The following TENM3 variants were observed in gnomAD, a reference collection of about 807,000 sequenced individuals.
TENM3 encodes teneurin transmembrane protein 3.
A neutral mutation model predicts 255.1 loss-of-function variants in TENM3; 63 were observed. That is an observed-to-expected ratio of 0.25 (90% CI 0.20 to 0.30). TENM3 has a LOEUF of 0.30. Among genes scored for constraint, TENM3 ranks in the 10% least tolerant of loss-of-function variants. The probability of loss-of-function intolerance (pLI) is 1.00; values close to 1 mark genes in which losing one functional copy is unlikely to be tolerated. For missense variants in TENM3, 2,929 were observed against 3,461.1 expected, an observed-to-expected ratio of 0.85 and a Z score of 3.86; for synonymous variants, 1,306 against 1,322.3, an observed-to-expected ratio of 0.99 and a Z score of 0.27.
At chr4:181,776,933 A>G in the TENM3 span, among the ~76,000 whole-genome samples, 3 of 151,914 alleles carry the variant, frequency 2.0e-5, no homozygotes, top group African/African-American at 4.8e-5. Context: ...TTTTAATTTA[A>G]TTAAGTTCCA....
chr4:182,631,482 G>A (rs1469441893), intron 5 of TENM3: 1 of 152,106 alleles, frequency 6.6e-6, no homozygotes, highest in African/African-American at 2.4e-5. Flanking sequence ...AGTTCGCATG[G>A]TAAATCTTTT....
the TENM3 span, among the ~76,000 whole-genome samples, chr4:181,945,592 A>T: frequency 9.6e-4 from 146 of 151,952 alleles, 1 homozygote; most frequent in African/African-American, 3.4e-3. Flanking sequence ...CTTGTGTATG[A>T]GGTTGGGGCA....
chr4:181,915,092 C>T, the TENM3 span, among the ~76,000 whole-genome samples: 2 of 152,138 alleles, frequency 1.3e-5, no homozygotes, highest in African/African-American at 4.8e-5. Context: ...GGAGGCCACA[C>T]TAGGAGATCA....
At chr4:182,068,186 C>G in the TENM3 span, among the ~76,000 whole-genome samples, 2 of 152,054 alleles carry the variant, frequency 1.3e-5, no homozygotes, top group Non-Finnish European at 1.5e-5. Flanking sequence ...TTCCACCAAA[C>G]CCTTTGCGGA....
chr4:181,789,711 G>A, the TENM3 span, among the ~76,000 whole-genome samples: 2 of 152,068 alleles, frequency 1.3e-5, no homozygotes, highest in East Asian at 1.9e-4. Context: ...GCAGGGTCAG[G>A]GCTGGAGATC....
At chr4:181,920,666 T>C in the TENM3 span, among the ~76,000 whole-genome samples, 1 of 151,858 alleles carries the variant, frequency 6.6e-6, no homozygotes, top group African/African-American at 2.4e-5. Flanking sequence ...GCAAAAATTT[T>C]CTCCCATTTT....
the TENM3 span, among the ~76,000 whole-genome samples, chr4:182,057,751 A>G: frequency 6.6e-6 from 1 of 151,906 alleles, no homozygotes; most frequent in Admixed American, 6.6e-5. Context: ...CTTCCTACCT[A>G]CATGCCGACT....
the TENM3 span, among the ~76,000 whole-genome samples, chr4:182,048,839 G>C: frequency 6.6e-6 from 1 of 152,086 alleles, no homozygotes; most frequent in African/African-American, 2.4e-5. Context: ...TAAAAATACT[G>C]TGTCTATTAT....
Position 182,726,803 on chromosome 4 carries a change from C to T in TENM3, c.2369-2162C>T, listed in dbSNP as rs1294010136. 1.3e-5 allele frequency among the ~76,000 whole-genome samples: 2 copies of T among 152,174 alleles called. 1 individual carries two copies. The highest frequency in any genetic ancestry group is 4.1e-4 in the South Asian group (2 of 4,824). On this transcript the variant is annotated intron_variant, in intron 13 of 27. Coordinates refer to ENST00000511685, the MANE Select transcript of TENM3 (RefSeq NM_001080477.4). ...TCTTACCTTACCGTGTTGTTGCTGA[C>T]CTGCCTTTTAGACTGGGCAATTTAA...
At chr4:182,100,001 AC>A in the TENM3 span, among the ~76,000 whole-genome samples, 1 of 152,106 alleles carries the variant, frequency 6.6e-6, no homozygotes, top group East Asian at 1.9e-4. Context: ...AGTGGCTAAG[AC>A]GGTCAGTGTT....
In TENM3 at chr4:182,402,340, C is replaced by T. The variant is rs181960298; in HGVS notation, c.511+55411C>T. ...TTATGTTTGGGAAAGTGTGAATTCC[C>T]TCAGTGACTTTTGTACAGTCGCTCC... On this transcript the variant is annotated intron_variant, in intron 3 of 27. Coordinates refer to ENST00000511685, the MANE Select transcript of TENM3 (RefSeq NM_001080477.4). Among the ~76,000 whole-genome samples, 79 of 152,256 alleles carry T rather than the reference C, an allele frequency of 5.2e-4. 1 individual carries two copies. Among genetic ancestry groups the T allele is most frequent in the East Asian group, 2.5e-3 (13 of 5,178 alleles).
intron 7 of TENM3, 67 bp downstream of exon 7, chr4:182,673,286 T>C (rs1248793473): frequency 9.8e-6 from 11 of 1,127,884 alleles, no homozygotes; most frequent in Admixed American, 2.4e-5. Context: ...TTATTCTCTT[T>C]CTTAAGCTCA....
At chr4:182,442,865 CACACACACACACACAT>C (rs1561451700) in intron 3 of TENM3, among the ~76,000 whole-genome samples, 2 of 150,658 alleles carry the variant, frequency 1.3e-5, no homozygotes, top group African/African-American at 4.9e-5. Flanking sequence ...CACACACACA[CACACACACACACACAT>C]ATATATATAT....
chr4:182,075,551 C>G, the TENM3 span, among the ~76,000 whole-genome samples: 4 of 152,164 alleles, frequency 2.6e-5, 1 homozygote, highest in Admixed American at 1.3e-4. Context: ...CAAGACCTGT[C>G]TGTAGGCTAA....
chr4:181,493,847 C>T, the TENM3 span, among the ~76,000 whole-genome samples: 6 of 152,118 alleles, frequency 3.9e-5, no homozygotes, highest in Admixed American at 1.3e-4. Flanking sequence ...CCCAAATTAA[C>T]GTGCCTATTC....
At chr4:182,421,498 G>A (rs1430359809) in intron 3 of TENM3, among the ~76,000 whole-genome samples, 1 of 152,096 alleles carries the variant, frequency 6.6e-6, no homozygotes, top group African/African-American at 2.4e-5. Flanking sequence ...TTGTTGCTCA[G>A]AAATATCCTC....
chr4:182,235,099 GC>G (rs1409233601), intron 1 of TENM3, among the ~76,000 whole-genome samples: 1 of 152,126 alleles, frequency 6.6e-6, no homozygotes, highest in Non-Finnish European at 1.5e-5. Flanking sequence ...CCCCCACTCT[GC>G]CCCGCCATCT....
chr4:181,715,918 C>T, the TENM3 span, among the ~76,000 whole-genome samples: 33 of 152,308 alleles, frequency 2.2e-4, no homozygotes, highest in African/African-American at 7.7e-4. Flanking sequence ...CAGATGATGC[C>T]TGACTCCACT....
intron 18 of TENM3, 127 bp downstream of exon 18, chr4:182,738,671 G>A: frequency 1.4e-6 from 1 of 696,290 alleles, no homozygotes; most frequent in Non-Finnish European, 2.1e-6. Flanking sequence ...ATTAGAAATG[G>A]CAGAAAAAAA....
Sources: allele counts gnomAD v4.1 joint callset (sites outside exome capture counted in the v4.1 genomes callset), GRCh38; gene constraint gnomAD v4.1.1; transcripts MANE v1.5; gene names NCBI Gene and HGNC (gene_info 2026-07-23, HGNC 2026-07-21).